Variants in VPS16 observed in about 807,000 individuals in gnomAD.
VPS16 encodes vacuolar protein sorting-associated protein 16 homolog.
In VPS16, 82 loss-of-function variants were observed where a neutral mutation model predicts 116.0. The ratio of observed to expected loss-of-function variants is 0.71; its 90% confidence interval spans 0.59 to 0.85. VPS16 has a LOEUF of 0.85. Ranked by LOEUF, VPS16 falls within the 40% of genes least tolerant of loss-of-function variation. VPS16 has a pLI of 0.00. For missense variants in VPS16, 928 were observed against 1,090.6 expected (o/e 0.85, Z 2.10); for synonymous variants, 406 against 420.7 (o/e 0.96, Z 0.43).
At chr20:2,842,539 G>A (rs991445462) in intron 1 of VPS16, among the ~76,000 whole-genome samples, 1 of 151,298 alleles carries the variant, frequency 6.6e-6, no homozygotes, top group Non-Finnish European at 1.5e-5. Context: ...CCTGGGAGGC[G>A]GAGGTTGCAG....
Position 2,864,103 on chromosome 20 carries a change from C to T in VPS16, c.1611+20C>T. ...ATCAAGGTGTGGGTGCCCAGCCCTC[C>T]ACAGACACTCTGATGTGGTTGTTCA... On this transcript the variant is annotated intron_variant, in intron 16 of 23. Coordinates refer to ENST00000380445, the MANE Select transcript of VPS16 (RefSeq NM_022575.4). The surrounding 1 kb of genome is among the most constrained non-coding windows in gnomAD (Gnocchi z 5.2). The T allele has an allele frequency of 6.2e-7, 1 of 1,613,640 alleles. No homozygotes were observed. Among genetic ancestry groups the T allele is most frequent in the African/African-American group, 1.3e-5 (1 of 75,046 alleles).
At chr20:2,866,408 T>G in intron 23 of VPS16, 22 bp from the exon 24 acceptor site, 1 of 1,614,098 alleles carries the variant, frequency 6.2e-7, no homozygotes, top group South Asian at 1.1e-5. Flanking sequence ...CAACACCACC[T>G]CCTCTCTTGC....
Position 2,840,835 on chromosome 20 carries a change from G to GGGGCCC in VPS16, c.53+8_53+9insGGGCCC. ...GGACTCTGCCTTTTACCGGTGAGCT[G>GGGGCCC]CCCCGCCCTCCCGCCCACGGCCTGG... On this transcript the variant is annotated intron_variant, in intron 1 of 23. Coordinates refer to ENST00000380445, the MANE Select transcript of VPS16 (RefSeq NM_022575.4). 37 of 1,523,040 alleles carry GGGGCCC rather than the reference G, an allele frequency of 2.4e-5. No individual in the cohort carries two copies. The highest frequency in any genetic ancestry group is 2.9e-5 in the Non-Finnish European group (33 of 1,126,844). 94.3% of individuals were successfully genotyped at this position (1,523,040 alleles called of 1,614,324 possible).
Position 2,860,207 on chromosome 20 carries a change from A to C in VPS16, c.241-32A>C. On this transcript the variant is annotated intron_variant, in intron 3 of 23. Transcript: ENST00000380445. This position sits in a 1 kb window ranked among gnomAD's most constrained non-coding sequence, Gnocchi z 6.1. Reference sequence around the variant, plus strand: ...GGGCTGGACAGGGTTTCCTCACCTGAGGACAGCCTTAGGAACCTCTCTCCC... The same window carrying C: ...GGGCTGGACAGGGTTTCCTCACCTGCGGACAGCCTTAGGAACCTCTCTCCC... 1 of 1,613,914 alleles carries C rather than the reference A, an allele frequency of 6.2e-7. No homozygotes were observed. Among genetic ancestry groups the C allele is most frequent in the Non-Finnish European group, 8.5e-7 (1 of 1,179,998 alleles).
chr20:2,866,283 C>T lies in VPS16; in HGVS notation c.2343C>T (p.Pro781=), dbSNP rs909003269. 5.0e-5 allele frequency: 81 copies of T among 1,613,952 alleles called. No individual in the cohort carries two copies. Among genetic ancestry groups the T allele is most frequent in the Middle Eastern group, 1.6e-4 (1 of 6,084 alleles). The change falls in exon 23 of 24, where the codon CCC becomes CCT. Residue 781 remains proline (P), a synonymous_variant. Coordinates refer to ENST00000380445, the MANE Select transcript of VPS16 (RefSeq NM_022575.4). ...AGAAGTATGCTTCCCGCGTGGGTCC[C>T]GAGCAGAAGGTCAAGGCTTTGCTTC... ...EAKKYASRVG[P]EQKVKALLLV...
Position 2,860,185 on chromosome 20 carries a change from C to A in VPS16, c.240+34C>A. The A allele has an allele frequency of 6.2e-7, 1 of 1,614,000 alleles. No individual in the cohort carries two copies. Among genetic ancestry groups the A allele is most frequent in the Non-Finnish European group, 8.5e-7 (1 of 1,180,018 alleles). On this transcript the variant is annotated intron_variant, in intron 3 of 23. Coordinates refer to ENST00000380445, the MANE Select transcript of VPS16 (RefSeq NM_022575.4). This position sits in a 1 kb window ranked among gnomAD's most constrained non-coding sequence, Gnocchi z 6.1. ...TTCTGATGGTCCCTGGGGCTCAGGG[C>A]TGGACAGGGTTTCCTCACCTGAGGA...
rs202019988 is a variant in VPS16, at chr20:2,863,349, C to T, written c.1427C>T (p.Pro476Leu). The T allele has an allele frequency of 2.9e-5, 47 of 1,614,090 alleles. No individual in the cohort carries two copies. In the Middle Eastern group the frequency reaches 4.9e-4, roughly 17 times the overall value. The change falls in exon 15 of 24, where the codon CCT becomes CTT. Residue 476 changes from proline to leucine, a missense_variant. Physicochemically the swap from Pro to Leu is moderately conservative, Grantham distance 98. Coordinates refer to ENST00000380445, the MANE Select transcript of VPS16 (RefSeq NM_022575.4). This position sits in a 1 kb window ranked among gnomAD's most constrained non-coding sequence, Gnocchi z 4.4. ...AIQICEYLRL[P>L]EVQGVSRILA... is the part of the protein sequence containing the mutation. The stretch of plus-strand genomic sequence containing the variant: ...CAGATATGCGAGTACTTGCGCCTTC[C>T]TGAAGTACAGGGCGTCAGCAGGATC...
chr20:2,866,482 C>T lies in VPS16; in HGVS notation c.2428C>T (p.Leu810=), dbSNP rs763566770. The change falls in exon 24 of 24, where the codon CTG becomes TTG. Residue 810 remains leucine, a synonymous_variant. Coordinates refer to ENST00000380445, the MANE Select transcript of VPS16 (RefSeq NM_022575.4). The part of the protein sequence containing the change: ...VAIEHRNEAE[L]SLVLSHCTGA... ...CATCGAACACCGGAATGAGGCTGAG[C>T]TGAGCCTCGTATTGTCCCACTGCAC... The T allele has an allele frequency of 6.2e-6, 10 of 1,614,100 alleles. No individual in the cohort carries two copies. Among genetic ancestry groups the T allele is most frequent in the Non-Finnish European group, 8.5e-6 (10 of 1,180,048 alleles).
chr20:2,862,586 G>A lies in VPS16; in HGVS notation c.1079G>A (p.Ser360Asn). ...LEAQKEYEKESQKADEYLREI... is the reference protein window; with the variant it reads ...LEAQKEYEKENQKADEYLREI... ...TGGACTGCTCCCCACCAGAAAGAGA[G>A]CCAGAAGGCGGACGAGTACCTGCGG... Residue 360 changes from serine (S) to asparagine (N), a missense_variant, in exon 12 of 24, where the codon AGC becomes AAC. Physicochemically the swap from Ser to Asn is conservative, Grantham distance 46. Coordinates refer to ENST00000380445, the MANE Select transcript of VPS16 (RefSeq NM_022575.4). The A allele has an allele frequency of 6.2e-7, 1 of 1,613,286 alleles. No individual in the cohort carries two copies.
intron 1 of VPS16, among the ~76,000 whole-genome samples, chr20:2,854,547 A>G (rs965712927): frequency 1.3e-4 from 19 of 151,994 alleles, no homozygotes; most frequent in African/African-American, 4.6e-4. Flanking sequence ...TAATCCCAAC[A>G]CTTTGGGAGG....
In VPS16 at chr20:2,865,831, G is replaced by T. The variant is rs1190590532; in HGVS notation, c.2271+336G>T. On this transcript the variant is annotated intron_variant, in intron 22 of 23. Transcript: ENST00000380445. This position sits in a 1 kb window ranked among gnomAD's most constrained non-coding sequence, Gnocchi z 5.2. The stretch of plus-strand genomic sequence containing the variant: ...GAGGGTGCATATGGGAGGCAGTGGA[G>T]ATACTGAGGGCTGTTTTCTGTGGTG... The T allele has an allele frequency of 2.2e-6, 1 of 463,288 alleles. No individual in the cohort carries two copies. The highest frequency in any genetic ancestry group is 2.4e-5 in the South Asian group (1 of 41,720). The allele number at this position is 463,288 out of a possible 1,614,324, so 28.7% of individuals were successfully genotyped here.
At position 2,866,461 on chromosome 20, in the gene VPS16, G is replaced by A. The variant is rs759949250; in HGVS notation, c.2407G>A (p.Glu803Lys). The change falls in exon 24 of 24, where the codon GAA (glutamate) becomes AAA (lysine). Residue 803 changes from glutamate to lysine, a missense_variant. Transcript: ENST00000380445. Reference sequence around the variant, plus strand: ...GGCTCAGGCTGCAGATGTGGCCATCGAACACCGGAATGAGGCTGAGCTGAG... The same window carrying A: ...GGCTCAGGCTGCAGATGTGGCCATCAAACACCGGAATGAGGCTGAGCTGAG... ...DVAQAADVAI[E>K]HRNEAELSLV... 13 of 1,614,026 alleles carry A rather than the reference G, an allele frequency of 8.1e-6. No individual in the cohort carries two copies. Among genetic ancestry groups the A allele is most frequent in the Middle Eastern group, 1.6e-4 (1 of 6,084 alleles).
intron 1 of VPS16, among the ~76,000 whole-genome samples, chr20:2,852,899 A>G (rs2089135533): frequency 6.6e-6 from 1 of 152,212 alleles, no homozygotes; most frequent in Non-Finnish European, 1.5e-5. Flanking sequence ...AGTTGCCACA[A>G]CAGTGGGCTC....
At chr20:2,851,525 G>A (rs1166320857) in intron 1 of VPS16, among the ~76,000 whole-genome samples, 2 of 152,108 alleles carry the variant, frequency 1.3e-5, no homozygotes, top group African/African-American at 4.8e-5. Flanking sequence ...AGCTGGGCAT[G>A]GTGGTGCGTG....
In VPS16 at chr20:2,863,998, A is replaced by G. The variant is rs1417786880; in HGVS notation, c.1526A>G (p.Gln509Arg). The G allele has an allele frequency of 7.4e-6, 12 of 1,614,020 alleles. No homozygotes were observed. The highest frequency in any genetic ancestry group is 1.0e-5 in the Non-Finnish European group (12 of 1,180,006). The change falls in exon 16 of 24, where the codon CAG (glutamine) becomes CGG (arginine). Residue 509 changes from glutamine to arginine, a missense_variant. Coordinates refer to ENST00000380445, the MANE Select transcript of VPS16 (RefSeq NM_022575.4). The surrounding 1 kb of genome is among the most constrained non-coding windows in gnomAD (Gnocchi z 4.4). ...GAGGATGTGGCTCGAGCCATTAACC[A>G]GAAGCTGGGGGACACGCCTGGTGTC... ...SDEDVARAIN[Q>R]KLGDTPGVSY... is the part of the protein sequence containing the mutation.
intron 1 of VPS16, among the ~76,000 whole-genome samples, chr20:2,858,243 A>G (rs2089194292): frequency 6.6e-6 from 1 of 152,024 alleles, no homozygotes; most frequent in Non-Finnish European, 1.5e-5. Context: ...GCTACTTGTA[A>G]CTACAGGCAT....
chr20:2,849,173 T>G lies in VPS16; in HGVS notation c.53+8346T>G, dbSNP rs560562546. Reference sequence around the variant, plus strand: ...AGTTTCAGGATCTCATTGTTTCCTATCAGTACCCTAATTTTCACATGAGAA... The same window carrying G: ...AGTTTCAGGATCTCATTGTTTCCTAGCAGTACCCTAATTTTCACATGAGAA... On this transcript the variant is annotated intron_variant, in intron 1 of 23. Transcript: ENST00000380445. Among the ~76,000 whole-genome samples the G allele has an allele frequency of 4.6e-5, 7 of 152,324 alleles. No individual in the cohort carries two copies. In the East Asian group the frequency reaches 1.4e-3, roughly 29 times the overall value.
Position 2,862,084 on chromosome 20 carries a change from C to T in VPS16, c.1025C>T (p.Ser342Leu), listed in dbSNP as rs1332377924. 1 of 1,613,816 alleles carries T rather than the reference C, an allele frequency of 6.2e-7. No homozygotes were observed. The highest frequency in any genetic ancestry group is 1.3e-5 in the African/African-American group (1 of 74,936). ...AASEEIFKIA[S>L]MAPGALLLEA... ...AGCGAGGAAATCTTCAAAATTGCCT[C>T]AATGGCCCCCGGGGCGCTGCTCCTG... Residue 342 changes from serine to leucine, a missense_variant, in exon 11 of 24, where the codon TCA becomes TTA. Coordinates refer to ENST00000380445, the MANE Select transcript of VPS16 (RefSeq NM_022575.4).
At chr20:2,842,732 A>C in intron 1 of VPS16, among the ~76,000 whole-genome samples, 2 of 94,226 alleles carry the variant, frequency 2.1e-5, no homozygotes, top group South Asian at 6.8e-4. Context: ...GGATGTATCT[A>C]TCTATAGATA....
Sources: gnomAD v4.1 joint callset for allele counts (sites outside exome capture counted in the v4.1 genomes callset) on GRCh38, gnomAD v4.1.1 for gene constraint, Gnocchi (gnomAD v3.1) non-coding constraint, MANE v1.5 for transcripts, NCBI Gene and HGNC (gene_info 2026-07-23, HGNC 2026-07-21) for gene names.